CTBP1: variants seen among roughly 807,000 people sequenced by gnomAD.
CTBP1 encodes the protein C-terminal binding protein 1, also known as C-terminal-binding protein 1.
A neutral mutation model predicts 42.1 loss-of-function variants in CTBP1; 11 were observed. That is an observed-to-expected ratio of 0.26 (90% confidence interval 0.16 to 0.43). CTBP1 has a LOEUF of 0.43. Ranked by LOEUF, CTBP1 falls within the 20% of genes least tolerant of loss-of-function variation. CTBP1 has a pLI of 1.00. For missense variants in CTBP1, 399 were observed against 624.3 expected, an observed-to-expected ratio of 0.64 and a Z score of 3.85; for synonymous variants, 324 against 277.1, an observed-to-expected ratio of 1.17 and a Z score of -1.68.
intron 5 of CTBP1, among the ~76,000 whole-genome samples, chr4:1,219,568 CTGA>C (rs1246065368): frequency 2.0e-5 from 3 of 152,160 alleles, no homozygotes; most frequent in Non-Finnish European, 4.4e-5. Context: ...CTCACTGCTG[CTGA>C]TGATTGTAGC....
intron 5 of CTBP1, chr4:1,221,690 T>G (rs1577031070): frequency 3.1e-6 from 1 of 320,600 alleles, no homozygotes; most frequent in Non-Finnish European, 6.3e-6. Flanking sequence ...CCCTCTGCTC[T>G]AGGAAGCGGG....
At chr4:1,247,802 C>T (rs1031816737) in intron 1 of CTBP1, among the ~76,000 whole-genome samples, 2 of 151,894 alleles carry the variant, frequency 1.3e-5, no homozygotes, top group South Asian at 2.1e-4. Flanking sequence ...GAACACCCTG[C>T]GCACCCGCCG....
intron 1 of CTBP1, among the ~76,000 whole-genome samples, chr4:1,246,944 C>T (rs928189928): frequency 9.9e-5 from 15 of 152,232 alleles, no homozygotes; most frequent in Non-Finnish European, 2.2e-4. Context: ...GCAGACAGGA[C>T]GAGCCAGCAC....
chr4:1,221,818 T>C (rs1209137115), intron 5 of CTBP1: 1 of 447,346 alleles, frequency 2.2e-6, no homozygotes, highest in Admixed American at 2.4e-5. Flanking sequence ...GGTGAATGTG[T>C]ACAATGTTTT....
chr4:1,240,336 G>A (rs867989169), intron 2 of CTBP1, among the ~76,000 whole-genome samples: 287 of 111,874 alleles, frequency 2.6e-3, no homozygotes, highest in Non-Finnish European at 4.4e-3. Context: ...GTCCCTCGTC[G>A]GAACCGCGTG....
intron 3 of CTBP1, among the ~76,000 whole-genome samples, chr4:1,230,436 T>C (rs1033237010): frequency 6.6e-5 from 10 of 152,176 alleles, no homozygotes; most frequent in African/African-American, 2.4e-4. Context: ...GCACCCACTG[T>C]GGGCAGGAGG....
chr4:1,224,524 C>CAT, intron 5 of CTBP1, among the ~76,000 whole-genome samples: 1 of 143,472 alleles, frequency 7.0e-6, no homozygotes, highest in East Asian at 2.1e-4. Flanking sequence ...TGTGCTGTGG[C>CAT]GTGTGACATC....
At position 1,222,190 on chromosome 4, in the gene CTBP1, A is replaced by G. The variant is rs1729814482; in HGVS notation, c.514+3170T>C. Among the ~76,000 whole-genome samples the G allele has an allele frequency of 2.0e-5, 3 of 152,130 alleles. No homozygotes were observed. In the South Asian group the frequency reaches 6.2e-4, roughly 31 times the overall value. ...TTCCACAGAGGGTGGGATGGGGCTC[A>G]GGGACAAGGGCGAGGGGCGGGGCGG... On this transcript the variant is annotated intron_variant, in intron 5 of 9. Transcript: ENST00000382952.
At chr4:1,227,545 G>C (rs1354505811) in intron 4 of CTBP1, among the ~76,000 whole-genome samples, 1 of 150,730 alleles carries the variant, frequency 6.6e-6, no homozygotes, top group African/African-American at 2.4e-5. Flanking sequence ...CACATGCATG[G>C]CTGCAGATGT....
intron 3 of CTBP1, among the ~76,000 whole-genome samples, chr4:1,230,113 C>T (rs1407393903): frequency 6.6e-6 from 1 of 152,318 alleles, no homozygotes; most frequent in East Asian, 1.9e-4. Context: ...ATGCAGACCC[C>T]TGGTGCACCA....
chr4:1,215,441 G>A, intron 6 of CTBP1: 1 of 202,646 alleles, frequency 4.9e-6, no homozygotes, highest in Admixed American at 5.3e-5. Context: ...GGAGCCAGCG[G>A]GAGGCAGCCA....
At chr4:1,247,482 G>A (rs1027711924) in intron 1 of CTBP1, among the ~76,000 whole-genome samples, 1 of 152,158 alleles carries the variant, frequency 6.6e-6, no homozygotes. Flanking sequence ...TGGGAGGCCG[G>A]GTGCTGAGGC....
At chr4:1,240,596 A>G (rs1371349990) in intron 2 of CTBP1, among the ~76,000 whole-genome samples, 1 of 99,018 alleles carries the variant, frequency 1.0e-5, no homozygotes, top group African/African-American at 3.9e-5. Flanking sequence ...GTGAGTGGGA[A>G]CCGGGTCCCT....
chr4:1,228,869 G>A (rs1041030839), intron 3 of CTBP1, among the ~76,000 whole-genome samples: 13 of 152,092 alleles, frequency 8.5e-5, no homozygotes, highest in Non-Finnish European at 1.6e-4. Context: ...GCAGGCAGAC[G>A]CCACCCAGCC....
Position 1,249,026 on chromosome 4 carries a change from G to C in CTBP1, c.-299C>G. On this transcript the variant is annotated 5_prime_UTR_variant, in exon 1 of 10. Transcript: ENST00000382952. ...CGCCGCCGCGAGCCCGGCGCGTGGG[G>C]CGGCCTCGGCGCCGTCCGCTGCTCC... 5.4e-6 allele frequency: 4 copies of C among 739,244 alleles called. No individual in the cohort carries two copies. The highest frequency in any genetic ancestry group is 1.9e-5 in the African/African-American group (1 of 51,810). The allele number at this position is 739,244 out of a possible 1,614,324, so 45.8% of individuals were successfully genotyped here.
chr4:1,248,205 G>A (rs1732947552), intron 1 of CTBP1, among the ~76,000 whole-genome samples: 2 of 151,910 alleles, frequency 1.3e-5, no homozygotes, highest in Admixed American at 1.3e-4. Context: ...GGCGCCCCGG[G>A]ACCTGGGCGG....
At chr4:1,244,566 A>G in intron 1 of CTBP1, 1 of 985,088 alleles carries the variant, frequency 1.0e-6, no homozygotes, top group Non-Finnish European at 1.2e-6. Flanking sequence ...CCACCAGGAC[A>G]GTGTCCCAAA....
intron 3 of CTBP1, among the ~76,000 whole-genome samples, chr4:1,230,223 G>A (rs1730819771): frequency 6.6e-6 from 1 of 152,176 alleles, no homozygotes; most frequent in Non-Finnish European, 1.5e-5. Flanking sequence ...TGGACGGGGT[G>A]AGGCCACAAG....
chr4:1,219,965 G>A (rs1441976910), intron 5 of CTBP1, among the ~76,000 whole-genome samples: 2 of 152,220 alleles, frequency 1.3e-5, no homozygotes, highest in African/African-American at 2.4e-5. Flanking sequence ...CCAACACTTC[G>A]GGAGGCCAAG....
Sources: allele counts gnomAD v4.1 joint callset (sites outside exome capture counted in the v4.1 genomes callset), GRCh38; gene constraint gnomAD v4.1.1; transcripts MANE v1.5; gene names NCBI Gene and HGNC (gene_info 2026-07-23, HGNC 2026-07-21).